The following ARB2A variants were observed in gnomAD, a reference collection of about 807,000 sequenced individuals.
ARB2A encodes the protein cotranscriptional regulator ARB2A.
the ARB2A span, among the ~76,000 whole-genome samples, chr5:94,107,451 C>A: frequency 6.7e-6 from 1 of 150,354 alleles, no homozygotes; most frequent in Non-Finnish European, 1.5e-5. Context: ...TTTAAATGAG[C>A]TTTATAACTG....
the ARB2A span, among the ~76,000 whole-genome samples, chr5:94,015,120 G>A: frequency 4.6e-3 from 700 of 152,030 alleles, 6 homozygotes; most frequent in African/African-American, 0.016. Context: ...CAAAAGTCGA[G>A]GACAAGGAAA....
chr5:93,863,993 C>T, the ARB2A span, among the ~76,000 whole-genome samples: 2 of 152,006 alleles, frequency 1.3e-5, no homozygotes, highest in African/African-American at 4.8e-5. Context: ...GTATCGATCA[C>T]CCTGTCATTT....
At chr5:93,857,558 C>T in the ARB2A span, among the ~76,000 whole-genome samples, 23 of 152,106 alleles carry the variant, frequency 1.5e-4, no homozygotes, top group East Asian at 3.9e-4. Context: ...TAGAAATCAG[C>T]GAGACTCCAT....
the ARB2A span, among the ~76,000 whole-genome samples, chr5:93,759,835 A>G: frequency 1.3e-5 from 2 of 152,230 alleles, no homozygotes; most frequent in African/African-American, 2.4e-5. Flanking sequence ...GAGAACTGGA[A>G]CAAGACAAGG....
At chr5:94,098,051 T>TA in the ARB2A span, among the ~76,000 whole-genome samples, 2 of 152,176 alleles carry the variant, frequency 1.3e-5, no homozygotes, top group African/African-American at 4.8e-5. Flanking sequence ...CCTTCAGGGT[T>TA]AGAGCATGCA....
At chr5:94,090,244 C>T in the ARB2A span, among the ~76,000 whole-genome samples, 6 of 152,090 alleles carry the variant, frequency 3.9e-5, no homozygotes, top group African/African-American at 1.4e-4. Flanking sequence ...CCTTCACATC[C>T]CTTGTAAGTT....
At chr5:93,848,005 CAA>C in the ARB2A span, among the ~76,000 whole-genome samples, 2 of 152,154 alleles carry the variant, frequency 1.3e-5, no homozygotes, top group African/African-American at 4.8e-5. Context: ...AAGACTTCCT[CAA>C]AGAGTTATAA....
At chr5:93,966,736 TCTCA>T in the ARB2A span, among the ~76,000 whole-genome samples, 25 of 152,220 alleles carry the variant, frequency 1.6e-4, no homozygotes, top group South Asian at 5.2e-3. Flanking sequence ...TTCAGGTAAC[TCTCA>T]CGGTCTCATC....
the ARB2A span, among the ~76,000 whole-genome samples, chr5:93,671,300 C>G: frequency 1.3e-5 from 2 of 151,828 alleles, no homozygotes; most frequent in Non-Finnish European, 2.9e-5. Flanking sequence ...CTAAAAAGTA[C>G]AGAATATAAA....
the ARB2A span, among the ~76,000 whole-genome samples, chr5:93,910,289 ATCT>A: frequency 4.0e-5 from 6 of 151,056 alleles, no homozygotes; most frequent in Non-Finnish European, 7.4e-5. Flanking sequence ...TAACTATATG[ATCT>A]TCTTAAAGCC....
chr5:93,625,861 A>T, the ARB2A span, among the ~76,000 whole-genome samples: 3 of 152,238 alleles, frequency 2.0e-5, no homozygotes, highest in Non-Finnish European at 4.4e-5. Flanking sequence ...GTGGAATAGC[A>T]AAGAATAGGA....
chr5:93,869,923 G>A, the ARB2A span, among the ~76,000 whole-genome samples: 5 of 152,304 alleles, frequency 3.3e-5, no homozygotes, highest in South Asian at 2.1e-4. Context: ...GCCCGCCTGC[G>A]CCCAGGTGAA....
At chr5:94,106,954 A>C in the ARB2A span, among the ~76,000 whole-genome samples, 2 of 151,912 alleles carry the variant, frequency 1.3e-5, no homozygotes, top group Non-Finnish European at 2.9e-5. Context: ...TGGAGAAAGA[A>C]GGAAACAATA....
the ARB2A span, among the ~76,000 whole-genome samples, chr5:93,814,248 T>C: frequency 6.6e-6 from 1 of 152,182 alleles, no homozygotes; most frequent in Non-Finnish European, 1.5e-5. Context: ...CTTGAGTATA[T>C]ACTCATTGTA....
chr5:93,857,800 C>A, the ARB2A span, among the ~76,000 whole-genome samples: 1 of 152,170 alleles, frequency 6.6e-6, no homozygotes, highest in Non-Finnish European at 1.5e-5. Flanking sequence ...CACTGTCCTG[C>A]GCCCACGGTC....
At chr5:93,900,703 T>A in the ARB2A span, among the ~76,000 whole-genome samples, 1 of 151,934 alleles carries the variant, frequency 6.6e-6, no homozygotes, top group South Asian at 2.1e-4. Flanking sequence ...ACAATAACTT[T>A]AAGCATTTTT....
chr5:94,082,686 C>T, the ARB2A span, among the ~76,000 whole-genome samples: 1 of 151,994 alleles, frequency 6.6e-6, no homozygotes, highest in Non-Finnish European at 1.5e-5. Context: ...AATTTAAGTG[C>T]CTTCAGAATA....
At chr5:93,626,364 G>C in the ARB2A span, among the ~76,000 whole-genome samples, 158 of 152,268 alleles carry the variant, frequency 1.0e-3, 2 homozygotes, top group South Asian at 0.016. Context: ...AGAACAATCT[G>C]AGTTGTAGAG....
chr5:94,024,153 G>C, the ARB2A span, among the ~76,000 whole-genome samples: 2 of 152,118 alleles, frequency 1.3e-5, no homozygotes, highest in Non-Finnish European at 2.9e-5. Context: ...CAGATATTTG[G>C]TCAAACACTA....
Sources: gnomAD v4.1 joint callset for allele counts (sites outside exome capture counted in the v4.1 genomes callset) on GRCh38, gnomAD v4.1.1 for gene constraint, MANE v1.5 for transcripts, NCBI Gene and HGNC (gene_info 2026-07-23, HGNC 2026-07-21) for gene names.